Variants in ZNF124 observed in about 807,000 individuals in gnomAD.
ZNF124 encodes the protein zinc finger protein 124, also known as zinc finger protein HZF-16.
A neutral mutation model predicts 26.6 loss-of-function variants in ZNF124; 25 were observed. That is an observed-to-expected ratio of 0.94 (90% confidence interval 0.68 to 1.31). The LOEUF (loss-of-function observed/expected upper bound fraction) is 1.31. ZNF124 is among the 40% of genes most tolerant of loss of function. ZNF124 has a pLI of 0.00. For synonymous variants in ZNF124, 129 were observed against 133.3 expected (o/e 0.97, Z 0.22); for missense variants, 444 against 422.2 (o/e 1.05, Z -0.45).
chr1:247,122,156 T>C (rs1672097950), exon 4 of ZNF124: 1 of 152,218 alleles, frequency 6.6e-6, no homozygotes, highest in African/African-American at 2.4e-5. Flanking sequence ...ACTACACCAC[T>C]TAATAAATAA....
Position 247,147,528 on chromosome 1 carries a change from T to G in ZNF124, c.218+11478A>C, listed in dbSNP as rs140841054. ...GCGTGAGCCACTGCGCCTGGCTGCT[T>G]CTTTAACTTTTTGAAGCACAGTCTC... On this transcript the variant is annotated intron_variant, in intron 3 of 3. Coordinates refer to the ZNF124 transcript ENST00000472531. 5.5e-4 allele frequency among the ~76,000 whole-genome samples: 83 copies of G among 152,140 alleles called. No individual in the cohort carries two copies. In the East Asian group the frequency reaches 0.012, roughly 22 times the overall value.
At chr1:247,145,567 C>T (rs2103109055) in intron 3 of ZNF124, among the ~76,000 whole-genome samples, 1 of 152,126 alleles carries the variant, frequency 6.6e-6, no homozygotes, top group African/African-American at 2.4e-5. Flanking sequence ...GACATGGATT[C>T]AGATTCAATC....
downstream of ZNF124, among the ~76,000 whole-genome samples, chr1:247,153,371 A>G (rs1261325825): frequency 2.0e-5 from 3 of 152,180 alleles, no homozygotes; most frequent in Non-Finnish European, 4.4e-5. Context: ...GAACTTAAAC[A>G]TCGAGAGGGT....
chr1:247,145,286 TA>T (rs1330483499), intron 3 of ZNF124, among the ~76,000 whole-genome samples: 17 of 152,202 alleles, frequency 1.1e-4, no homozygotes, highest in Admixed American at 1.1e-3. Context: ...GATTTGATGA[TA>T]AAAGACACAA....
chr1:247,148,597 A>G (rs1346993617), intron 3 of ZNF124, among the ~76,000 whole-genome samples: 1 of 152,188 alleles, frequency 6.6e-6, no homozygotes, highest in Admixed American at 6.5e-5. Flanking sequence ...GGGATGATCA[A>G]AGAGACCCAA....
intron 1 of ZNF124, among the ~76,000 whole-genome samples, chr1:247,163,363 T>C (rs1307993106): frequency 1.4e-5 from 2 of 144,168 alleles, no homozygotes; most frequent in Admixed American, 7.1e-5. Context: ...AGTCAATTTT[T>C]TGAAATAAGA....
At chr1:247,136,443 G>A (rs1672485216) in intron 3 of ZNF124, among the ~76,000 whole-genome samples, 1 of 152,164 alleles carries the variant, frequency 6.6e-6, no homozygotes, top group Admixed American at 6.5e-5. Flanking sequence ...AACAAGGGAT[G>A]TAAAGGACCT....
rs71566695 is a variant in ZNF124, at chr1:247,125,430, C to CTTTTTTTTTTTTTTTTTTTTTTTT, written c.219-1583_219-1560dup. 9.9e-4 allele frequency among the ~76,000 whole-genome samples: 43 copies of CTTTTTTTTTTTTTTTTTTTTTTTT among 43,296 alleles called. 11 individuals carry two copies. The highest frequency in any genetic ancestry group is 1.5e-3 in the Non-Finnish European group (34 of 23,388). 28.4% of individuals were successfully genotyped at this position (43,296 alleles called of 152,430 possible). A position where few individuals can be genotyped will look rare whatever the true frequency, so the allele number is the denominator to read the frequency against. ...TATCTTCACCGACACCTGTTTTTGT[C>CTTTTTTTTTTTTTTTTTTTTTTTT]TTTTTTTTTTTTTTTTTTTTTTTTT... On this transcript the variant is annotated intron_variant, in intron 3 of 3. Coordinates refer to the ZNF124 transcript ENST00000472531.
At chr1:247,133,162 G>A (rs779305175) in intron 3 of ZNF124, among the ~76,000 whole-genome samples, 3 of 151,998 alleles carry the variant, frequency 2.0e-5, no homozygotes, top group Admixed American at 2.0e-4. Context: ...AGAGTGTGAA[G>A]ACCACCTTAC....
chr1:247,157,415 T>C lies in ZNF124; in HGVS notation c.219-12A>G. On this transcript the variant is annotated splice_polypyrimidine_tract_variant and intron_variant, in intron 3 of 3. Coordinates refer to ENST00000543802, the MANE Select transcript of ZNF124 (RefSeq NM_001297568.2). ...GAGATATGATGTGCCTATGAAGGGATGAATGACGTATGAAGAATTTTTCAC... is the reference window on the plus strand; with the variant it reads ...GAGATATGATGTGCCTATGAAGGGACGAATGACGTATGAAGAATTTTTCAC... The C allele has an allele frequency of 6.4e-7, 1 of 1,551,406 alleles. No homozygotes were observed.
intron 3 of ZNF124, among the ~76,000 whole-genome samples, chr1:247,145,629 TTC>T (rs199709523): frequency 1.1e-3 from 154 of 145,276 alleles, no homozygotes; most frequent in Middle Eastern, 3.8e-3. Context: ...TATTAAAAAC[TTC>T]TGTTTTTTTT....
Position 247,156,439 on chromosome 1 carries a change from T to C in ZNF124, c.*127A>G. On this transcript the variant is annotated 3_prime_UTR_variant, in exon 4 of 4. Transcript: ENST00000543802. Reference sequence around the variant, plus strand: ...TTATAGTCATAGGGTTTATCTCCAGTTTGATTCGTTTCATGTATTTGAGGA... The same window carrying C: ...TTATAGTCATAGGGTTTATCTCCAGCTTGATTCGTTTCATGTATTTGAGGA... 7.5e-7 allele frequency: 1 copy of C among 1,341,388 alleles called. No homozygotes were observed. Among genetic ancestry groups the C allele is most frequent in the Non-Finnish European group, 9.6e-7 (1 of 1,046,608 alleles). The allele number at this position is 1,341,388 out of a possible 1,614,324, so 83.1% of individuals were successfully genotyped here. A position where few individuals can be genotyped will look rare whatever the true frequency, so the allele number is the denominator to read the frequency against.
At chr1:247,150,679 A>G (rs1478551038), downstream of ZNF124, among the ~76,000 whole-genome samples, 1 of 152,106 alleles carries the variant, frequency 6.6e-6, no homozygotes, top group Non-Finnish European at 1.5e-5. Context: ...ATAAAATTCT[A>G]TTAAAATTAA....
chr1:247,163,991 A>T (rs1673640301), intron 1 of ZNF124, among the ~76,000 whole-genome samples: 2 of 152,224 alleles, frequency 1.3e-5, no homozygotes, highest in African/African-American at 4.8e-5. Context: ...TTCAATATAT[A>T]CAAGTCAATA....
Position 247,170,811 on chromosome 1 carries a change from CA to C in ZNF124, c.30+1036del, listed in dbSNP as rs1187510041. 5.8e-5 allele frequency among the ~76,000 whole-genome samples: 8 copies of C among 138,176 alleles called. 1 individual carries two copies. The highest frequency in any genetic ancestry group is 2.5e-4 in the African/African-American group (8 of 32,652). 90.6% of individuals were successfully genotyped at this position (138,176 alleles called of 152,430 possible). ...GGGATTTTCACAGTGCTTTTCCATA[CA>C]ATGTCTGGAATCTATAGATAACACA... On this transcript the variant is annotated intron_variant, in intron 1 of 3. Coordinates refer to ENST00000543802, the MANE Select transcript of ZNF124 (RefSeq NM_001297568.2).
At chr1:247,148,026 A>G (rs1308684597) in intron 3 of ZNF124, among the ~76,000 whole-genome samples, 2 of 152,242 alleles carry the variant, frequency 1.3e-5, no homozygotes, top group Admixed American at 1.3e-4. Flanking sequence ...ATTTCCTTTT[A>G]GTTTCTAGCA....
At position 247,157,104 on chromosome 1, in the gene ZNF124, G is replaced by T; in HGVS notation, c.518C>A (p.Thr173Asn). Residue 173 changes from threonine (T) to asparagine (N), a missense_variant, in exon 4 of 4, where the codon ACT becomes AAT. Thr to Asn is a moderately conservative substitution (Grantham distance 65, BLOSUM62 0). Transcript: ENST00000543802. ...RSLNRHKRIHTGEKRYECKQC... is the reference protein window; with the variant it reads ...RSLNRHKRIHNGEKRYECKQC... Reference sequence around the variant, plus strand: ...CTTACATTCATAGCGTTTTTCTCCAGTGTGAATCCTTTTATGTCTATTAAG... The same window carrying T: ...CTTACATTCATAGCGTTTTTCTCCATTGTGAATCCTTTTATGTCTATTAAG... 6.2e-7 allele frequency: 1 copy of T among 1,614,138 alleles called. No homozygotes were observed. Among genetic ancestry groups the T allele is most frequent in the Non-Finnish European group, 8.5e-7 (1 of 1,180,034 alleles).
chr1:247,165,105 T>G (rs1325761149), intron 1 of ZNF124, among the ~76,000 whole-genome samples: 1 of 152,136 alleles, frequency 6.6e-6, no homozygotes, highest in Non-Finnish European at 1.5e-5. Context: ...TAGCTGTGAC[T>G]ACAGGCGCCT....
chr1:247,166,610 T>C (rs983766575), intron 1 of ZNF124, among the ~76,000 whole-genome samples: 1 of 152,186 alleles, frequency 6.6e-6, no homozygotes, highest in Non-Finnish European at 1.5e-5. Context: ...ATCTGTGTCT[T>C]AAATCTTATG....
Sources: allele counts gnomAD v4.1 joint callset (sites outside exome capture counted in the v4.1 genomes callset), GRCh38; gene constraint gnomAD v4.1.1; transcripts MANE v1.5; gene names NCBI Gene and HGNC (gene_info 2026-07-23, HGNC 2026-07-21).